MGAT4C: variants seen among roughly 807,000 people sequenced by gnomAD.
The protein encoded by MGAT4C is MGAT4 family member C.
MGAT4C carries 19 observed loss-of-function variants against 40.1 expected under a neutral mutation model. That is an observed-to-expected ratio of 0.47 (90% CI 0.33 to 0.70). MGAT4C has a LOEUF of 0.70. Among genes scored for constraint, MGAT4C ranks in the 30% least tolerant of loss-of-function variants. The pLI is 0.02. For synonymous variants in MGAT4C, 181 were observed against 187.1 expected (o/e 0.97, Z 0.27); for missense variants, 491 against 563.2 (o/e 0.87, Z 1.30).
rs79944520 is a variant in MGAT4C, at chr12:86,434,026, T to G, written c.-120+1131A>C. 7.8e-3 allele frequency among the ~76,000 whole-genome samples: 1,185 copies of G among 152,156 alleles called. 23 individuals carry two copies. Among genetic ancestry groups the G allele is most frequent in the East Asian group, 0.06 (309 of 5,180 alleles). The stretch of plus-strand genomic sequence containing the variant: ...ATAAGCATGAATTTTTATTGGCAAC[T>G]TATTAGACAGACATGGCAAGCTACT... On this transcript the variant is annotated intron_variant, in intron 3 of 7. Transcript: ENST00000548651.
chr12:86,277,534 AG>A (rs1175791889), intron 4 of MGAT4C, among the ~76,000 whole-genome samples: 1 of 152,184 alleles, frequency 6.6e-6, no homozygotes, highest in Non-Finnish European at 1.5e-5. Flanking sequence ...TTGAGGTTTT[AG>A]ATTTAAGTCT....
At chr12:86,679,982 G>A (rs966844516) in intron 2 of MGAT4C, among the ~76,000 whole-genome samples, 4 of 151,796 alleles carry the variant, frequency 2.6e-5, no homozygotes, top group African/African-American at 9.7e-5. Context: ...CCTCATTCAC[G>A]GCCTTGATAA....
chr12:86,704,386 T>C (rs1950419761), intron 2 of MGAT4C, among the ~76,000 whole-genome samples: 2 of 152,042 alleles, frequency 1.3e-5, no homozygotes, highest in South Asian at 2.1e-4. Flanking sequence ...GTAAATACTA[T>C]TGGAAAGAGG....
At chr12:86,703,087 A>C (rs1277574040) in intron 2 of MGAT4C, among the ~76,000 whole-genome samples, 2 of 152,110 alleles carry the variant, frequency 1.3e-5, no homozygotes, top group Non-Finnish European at 2.9e-5. Context: ...AAAAATGGCA[A>C]GGGAACTAGA....
chr12:86,557,109 G>A (rs1592983326), intron 2 of MGAT4C, among the ~76,000 whole-genome samples: 2 of 151,886 alleles, frequency 1.3e-5, no homozygotes, highest in African/African-American at 2.4e-5. Context: ...ATAGAAATAA[G>A]GTATACACTT....
intron 2 of MGAT4C, among the ~76,000 whole-genome samples, chr12:86,669,484 A>G (rs1458779446): frequency 6.6e-6 from 1 of 152,086 alleles, no homozygotes; most frequent in Non-Finnish European, 1.5e-5. Context: ...CATTTGGAGG[A>G]CCCATTCTCC....
At chr12:86,441,212 A>G (rs545035103) in intron 2 of MGAT4C, among the ~76,000 whole-genome samples, 2 of 152,218 alleles carry the variant, frequency 1.3e-5, no homozygotes, top group Non-Finnish European at 2.9e-5. Context: ...CTGACTTCAA[A>G]TTATACTACA....
intron 2 of MGAT4C, among the ~76,000 whole-genome samples, chr12:86,593,129 G>T (rs1056458198): frequency 1.3e-5 from 2 of 151,400 alleles, no homozygotes; most frequent in Non-Finnish European, 1.5e-5. Flanking sequence ...TTTATAGGAA[G>T]TTGTCCATTT....
chr12:86,137,657 C>T (rs1224642864), intron 1 of MGAT4C, among the ~76,000 whole-genome samples: 1 of 152,130 alleles, frequency 6.6e-6, no homozygotes, highest in Non-Finnish European at 1.5e-5. Context: ...TTCTGTGATG[C>T]CATATTTTGC....
At chr12:86,273,748 A>T (rs1235381246) in intron 4 of MGAT4C, among the ~76,000 whole-genome samples, 1 of 152,172 alleles carries the variant, frequency 6.6e-6, no homozygotes, top group Admixed American at 6.5e-5. Flanking sequence ...TATACACTGC[A>T]TACGATAACA....
chr12:86,398,712 T>C (rs10858424), intron 3 of MGAT4C, among the ~76,000 whole-genome samples: 134,760 of 151,584 alleles, frequency 0.89, 60,092 homozygotes, highest in East Asian at 1. Flanking sequence ...TTTTTCTTCC[T>C]GAGGCAGGCC....
At chr12:86,561,451 G>T (rs1368641513) in intron 2 of MGAT4C, among the ~76,000 whole-genome samples, 1 of 152,208 alleles carries the variant, frequency 6.6e-6, no homozygotes, top group African/African-American at 2.4e-5. Context: ...AAGGTGGAAA[G>T]AGCAGACATG....
chr12:86,509,108 T>C (rs1958525687), intron 2 of MGAT4C, among the ~76,000 whole-genome samples: 1 of 152,186 alleles, frequency 6.6e-6, no homozygotes, highest in African/African-American at 2.4e-5. Flanking sequence ...CCATTGCTTT[T>C]GGTGTTTTAG....
chr12:86,495,553 T>C (rs1233037410), intron 2 of MGAT4C, among the ~76,000 whole-genome samples: 1 of 152,026 alleles, frequency 6.6e-6, no homozygotes, highest in Non-Finnish European at 1.5e-5. Context: ...TGGGCTCAGC[T>C]AGGCACCACC....
chr12:86,783,457 T>TTTTTTTTTTTTTTTTTTTTTTTTGAGA (rs1951878341), intron 1 of MGAT4C, among the ~76,000 whole-genome samples: 1 of 151,798 alleles, frequency 6.6e-6, no homozygotes, highest in African/African-American at 2.4e-5. Flanking sequence ...GAGCTTCTTA[T>TTTTTTTTTTTTTTTTTTTTTTTTGAGA]CCATCTTCCC....
At chr12:86,747,892 G>T (rs1041081953) in intron 1 of MGAT4C, among the ~76,000 whole-genome samples, 3 of 151,492 alleles carry the variant, frequency 2.0e-5, no homozygotes, top group African/African-American at 7.3e-5. Flanking sequence ...ATGCAGAAGA[G>T]AAACTATCCA....
intron 1 of MGAT4C, chr12:86,068,572 TTATAAA>T (rs1894782555): frequency 1.3e-5 from 2 of 148,210 alleles, no homozygotes. Context: ...TATTTATATG[TTATAAA>T]TATAAGCATA....
chr12:86,669,914 G>C (rs1406859589), intron 2 of MGAT4C, among the ~76,000 whole-genome samples: 1 of 152,104 alleles, frequency 6.6e-6, no homozygotes, highest in African/African-American at 2.4e-5. Flanking sequence ...TTTGGTATCA[G>C]ATGTGCATAA....
intron 2 of MGAT4C, among the ~76,000 whole-genome samples, chr12:86,455,585 A>G (rs1329648846): frequency 6.6e-6 from 1 of 152,142 alleles, no homozygotes; most frequent in Non-Finnish European, 1.5e-5. Context: ...AACTTGAAGA[A>G]AAGAACTTGG....
Sources: allele counts gnomAD v4.1 joint callset (sites outside exome capture counted in the v4.1 genomes callset), GRCh38; gene constraint gnomAD v4.1.1; transcripts MANE v1.5; gene names NCBI Gene and HGNC (gene_info 2026-07-23, HGNC 2026-07-21).